SMOC2: variants seen among roughly 807,000 people sequenced by gnomAD.
SMOC2 encodes the protein SPARC-related modular calcium-binding protein 2.
A neutral mutation model predicts 61.4 loss-of-function variants in SMOC2; 39 were observed. The ratio of observed to expected loss-of-function variants is 0.64; its 90% CI spans 0.49 to 0.83. The LOEUF is 0.83. SMOC2 is among the 40% of genes least tolerant of loss of function. SMOC2 has a pLI of 0.00. For missense variants in SMOC2, 556 were observed against 592.9 expected (o/e 0.94, Z 0.65); for synonymous variants, 247 against 239.9 (o/e 1.03, Z -0.27).
intron 9 of SMOC2, among the ~76,000 whole-genome samples, chr6:168,641,920 T>A (rs1167434521): frequency 6.6e-6 from 1 of 152,068 alleles, no homozygotes; most frequent in Non-Finnish European, 1.5e-5. Flanking sequence ...TAGTGAAAAA[T>A]CAAGGATATG....
At chr6:168,599,086 C>G in intron 8 of SMOC2, 82 bp downstream of exon 8, 1 of 1,277,478 alleles carries the variant, frequency 7.8e-7, no homozygotes, top group Admixed American at 2.2e-5. Context: ...CCCCACTTCC[C>G]CCAACACACA....
chr6:168,505,932 C>G (rs1782862493), intron 1 of SMOC2, among the ~76,000 whole-genome samples: 1 of 152,184 alleles, frequency 6.6e-6, no homozygotes, highest in Admixed American at 6.5e-5. Flanking sequence ...TTCCTGTGTG[C>G]ACCTCCCACT....
chr6:168,630,884 A>T (rs1420401634), intron 9 of SMOC2, among the ~76,000 whole-genome samples: 1 of 152,174 alleles, frequency 6.6e-6, no homozygotes, highest in Non-Finnish European at 1.5e-5. Context: ...ATTCCCACCT[A>T]ATAAATTTTG....
intron 1 of SMOC2, among the ~76,000 whole-genome samples, chr6:168,487,873 AT>A (rs924369019): frequency 1.1e-4 from 16 of 152,068 alleles, no homozygotes; most frequent in African/African-American, 3.1e-4. Flanking sequence ...CCTTTTAAGT[AT>A]TTTTTTTGGC....
intron 1 of SMOC2, among the ~76,000 whole-genome samples, chr6:168,462,392 G>A (rs771124788): frequency 6.6e-5 from 10 of 152,132 alleles, no homozygotes; most frequent in Admixed American, 3.3e-4. Flanking sequence ...TTGAATTATC[G>A]TTTCCCGGCA....
chr6:168,457,798 T>C (rs1781622609), intron 1 of SMOC2, among the ~76,000 whole-genome samples: 1 of 152,200 alleles, frequency 6.6e-6, no homozygotes, highest in Non-Finnish European at 1.5e-5. Context: ...TTTCCAAGCC[T>C]GTTTTGTTCT....
intron 7 of SMOC2, among the ~76,000 whole-genome samples, chr6:168,581,822 G>C (rs931132990): frequency 2.0e-5 from 3 of 152,118 alleles, no homozygotes; most frequent in African/African-American, 7.2e-5. Flanking sequence ...ATTGACCGGG[G>C]CTGGGTGCAG....
chr6:168,630,136 C>T (rs926813962), intron 9 of SMOC2, among the ~76,000 whole-genome samples: 7 of 152,218 alleles, frequency 4.6e-5, no homozygotes, highest in Admixed American at 6.5e-5. Flanking sequence ...GCTCTCCCTC[C>T]GTGGCCACTT....
At chr6:168,498,652 C>T (rs1197918466) in intron 1 of SMOC2, among the ~76,000 whole-genome samples, 1 of 151,930 alleles carries the variant, frequency 6.6e-6, no homozygotes, top group East Asian at 1.9e-4. Context: ...TGCATGAGGA[C>T]GGCCAGGGCC....
chr6:168,593,924 G>T (rs867135120), intron 7 of SMOC2, among the ~76,000 whole-genome samples: 1 of 3,750 alleles, frequency 2.7e-4, no homozygotes, highest in African/African-American at 7.6e-4. Flanking sequence ...TCTAGAGGAT[G>T]GCCGAGCTCC....
At chr6:168,558,874 TGTGTGC>T (rs1347402044) in intron 7 of SMOC2, among the ~76,000 whole-genome samples, 116 of 149,490 alleles carry the variant, frequency 7.8e-4, no homozygotes, top group African/African-American at 1.7e-3. Flanking sequence ...TGTGTGCATG[TGTGTGC>T]GTGTGTGCGT....
At chr6:168,509,796 G>A in intron 1 of SMOC2, 119 bp from the exon 2 acceptor site, 1 of 907,302 alleles carries the variant, frequency 1.1e-6, no homozygotes, top group Non-Finnish European at 1.6e-6. Context: ...GAACCGGGTG[G>A]TGTTATCCCT....
At chr6:168,577,589 G>A (rs536341929) in intron 7 of SMOC2, among the ~76,000 whole-genome samples, 4 of 152,286 alleles carry the variant, frequency 2.6e-5, no homozygotes, top group Admixed American at 2.0e-4. Context: ...TGCTAAGATC[G>A]CCAGTGGCTG....
intron 1 of SMOC2, among the ~76,000 whole-genome samples, chr6:168,490,050 G>C (rs1190092014): frequency 6.6e-6 from 1 of 150,806 alleles, no homozygotes; most frequent in Non-Finnish European, 1.5e-5. Context: ...GAATCATCTG[G>C]TTCCCCTTGG....
intron 1 of SMOC2, among the ~76,000 whole-genome samples, chr6:168,450,621 G>A (rs1436950239): frequency 6.6e-6 from 1 of 152,294 alleles, no homozygotes; most frequent in Middle Eastern, 3.4e-3. Flanking sequence ...CTGGATGCAT[G>A]TAGTAGATGC....
chr6:168,650,134 T>G (rs552728546), intron 9 of SMOC2, among the ~76,000 whole-genome samples: 2 of 152,332 alleles, frequency 1.3e-5, no homozygotes, highest in East Asian at 1.9e-4. Flanking sequence ...CTATGAGCAC[T>G]AAACCCTGCT....
chr6:168,579,443 T>G (rs1003746956), intron 7 of SMOC2, among the ~76,000 whole-genome samples: 15 of 152,012 alleles, frequency 9.9e-5, no homozygotes, highest in African/African-American at 3.4e-4. Context: ...TTTTGGAAAA[T>G]GGAAACTATT....
chr6:168,463,976 A>G (rs1781769093), intron 1 of SMOC2, among the ~76,000 whole-genome samples: 1 of 152,094 alleles, frequency 6.6e-6, no homozygotes, highest in South Asian at 2.1e-4. Flanking sequence ...GGATCACTTA[A>G]GCCCAGGAGT....
intron 9 of SMOC2, among the ~76,000 whole-genome samples, chr6:168,632,509 G>A (rs1786596141): frequency 6.6e-6 from 1 of 152,156 alleles, no homozygotes. Context: ...TCAAATCAGT[G>A]ATTACCTGAT....
Sources: allele counts gnomAD v4.1 joint callset (sites outside exome capture counted in the v4.1 genomes callset), GRCh38; gene constraint gnomAD v4.1.1; transcripts MANE v1.5; gene names NCBI Gene and HGNC (gene_info 2026-07-23, HGNC 2026-07-21).